The following USP45 variants were observed in gnomAD, a reference collection of about 807,000 sequenced individuals.
The protein encoded by USP45 is ubiquitin carboxyl-terminal hydrolase 45.
A neutral mutation model predicts 95.8 loss-of-function variants in USP45; 89 were observed. The ratio of observed to expected loss-of-function variants is 0.93; its 90% CI spans 0.78 to 1.11. The LOEUF (loss-of-function observed/expected upper bound fraction) is 1.11, where lower values mean the gene tolerates loss of function less well. Ranked by LOEUF, USP45 falls within the 50% of genes least tolerant of loss-of-function variation. The pLI, the probability that USP45 is intolerant of heterozygous loss-of-function variation, is 0.00. For missense variants in USP45, 898 were observed against 942.5 expected (o/e 0.95, Z 0.62); for synonymous variants, 281 against 316.2 (o/e 0.89, Z 1.18).
intron 13 of USP45, among the ~76,000 whole-genome samples, chr6:99,450,990 A>C (rs1284123551): frequency 1.3e-5 from 2 of 152,162 alleles, no homozygotes; most frequent in Non-Finnish European, 2.9e-5. Context: ...AACAGCCCTT[A>C]ATGCTAAAAA....
chr6:99,452,864 C>G (rs1484370310), intron 13 of USP45, among the ~76,000 whole-genome samples: 1 of 152,132 alleles, frequency 6.6e-6, no homozygotes, highest in Admixed American at 6.6e-5. Flanking sequence ...AGGATGAGTT[C>G]ATGTCCTTTG....
chr6:99,468,513 A>T (rs996855110), intron 10 of USP45, 24 bp downstream of exon 10: 1 of 1,456,742 alleles, frequency 6.9e-7, no homozygotes, highest in Non-Finnish European at 9.4e-7. Flanking sequence ...TAAAGAAAAA[A>T]GTTTTAACAA....
chr6:99,511,845 G>GTGTATA (rs1373324266), intron 1 of USP45, among the ~76,000 whole-genome samples: 22 of 22,790 alleles, frequency 9.7e-4, no homozygotes, highest in Non-Finnish European at 1.4e-3. Flanking sequence ...GTGAGTGTGT[G>GTGTATA]TATATATATA....
chr6:99,437,364 G>A lies in USP45; in HGVS notation c.2196C>T (p.Leu732=). The A allele has an allele frequency of 6.2e-7, 1 of 1,607,930 alleles. No homozygotes were observed. The highest frequency in any genetic ancestry group is 8.5e-7 in the Non-Finnish European group (1 of 1,178,462). Residue 732 remains leucine, a synonymous_variant, in exon 17 of 18, where the codon CTC becomes CTT. Coordinates refer to ENST00000500704, the MANE Select transcript of USP45 (RefSeq NM_001346022.3). The stretch of plus-strand genomic sequence containing the variant: ...AGCCACTATGTTCCACTATGCCATA[G>A]AGACCGTAGAGAACTTTATCTCCCA... The part of the protein sequence containing the change: ...ASVGDKVLYG[L]YGIVEHSGSM...
At chr6:99,437,155 A>G in intron 17 of USP45, 91 bp downstream of exon 17, 1 of 1,279,564 alleles carries the variant, frequency 7.8e-7, no homozygotes, top group Non-Finnish European at 1.1e-6. Context: ...AATCCACTAG[A>G]GGCATCTATG....
At chr6:99,453,504 A>G (rs933384706) in intron 13 of USP45, among the ~76,000 whole-genome samples, 10 of 152,216 alleles carry the variant, frequency 6.6e-5, no homozygotes, top group African/African-American at 2.2e-4. Flanking sequence ...AATACTGATG[A>G]AAGAAACTGA....
At chr6:99,493,556 G>T (rs1339944146) in intron 5 of USP45, among the ~76,000 whole-genome samples, 1 of 152,158 alleles carries the variant, frequency 6.6e-6, no homozygotes, top group Non-Finnish European at 1.5e-5. Context: ...GGAGTGCAAT[G>T]GCACAATCTC....
intron 13 of USP45, among the ~76,000 whole-genome samples, chr6:99,463,253 T>C (rs1357351693): frequency 3.3e-5 from 5 of 152,098 alleles, no homozygotes; most frequent in Admixed American, 6.6e-5. Context: ...AGTAAAATAA[T>C]AGATCTAGAC....
chr6:99,489,257 T>C (rs1562408936), intron 5 of USP45, among the ~76,000 whole-genome samples: 2 of 152,120 alleles, frequency 1.3e-5, no homozygotes, highest in Non-Finnish European at 2.9e-5. Flanking sequence ...AAATGTGTGA[T>C]TGGGAATAAG....
intron 5 of USP45, chr6:99,501,826 G>A (rs1313690338): frequency 9.8e-7 from 1 of 1,016,932 alleles, no homozygotes; most frequent in African/African-American, 1.7e-5. Flanking sequence ...GGATCTGGCT[G>A]GCTTTTCTCC....
intron 8 of USP45, among the ~76,000 whole-genome samples, chr6:99,479,433 C>T (rs1319340283): frequency 6.6e-6 from 1 of 151,696 alleles, no homozygotes; most frequent in East Asian, 1.9e-4. Context: ...AACTCCTGGC[C>T]TCAGGCAGTT....
intron 13 of USP45, 69 bp from the exon 14 acceptor site, chr6:99,446,532 T>A: frequency 7.4e-7 from 1 of 1,350,566 alleles, no homozygotes; most frequent in African/African-American, 1.5e-5. Flanking sequence ...CCAATAATTC[T>A]TAAACATATC....
chr6:99,441,966 T>C lies in USP45; in HGVS notation c.2073+1599A>G, dbSNP rs549798505. Among the ~76,000 whole-genome samples the C allele has an allele frequency of 1.6e-4, 25 of 152,252 alleles. 1 individual carries two copies. The South Asian group carries it at 5.2e-3, about 32-fold the overall frequency. ...CTGATATACAGCCCTAAAGCTACCA[T>C]AGAGAAGGCGTTCAGGGATGTCAAT... is the stretch of plus-strand genomic sequence containing the variant. On this transcript the variant is annotated intron_variant, in intron 15 of 17. Transcript: ENST00000500704.
At chr6:99,487,633 C>CAAAAAAAA (rs11335830) in intron 7 of USP45, among the ~76,000 whole-genome samples, 1,626 of 105,834 alleles carry the variant, frequency 0.015, no homozygotes, top group East Asian at 0.02. Context: ...ACTAAAAATA[C>CAAAAAAAA]AAAAAAAAAA....
At position 99,434,987 on chromosome 6, in the gene USP45, C is replaced by T. The variant is rs1436900547; in HGVS notation, c.*729G>A. 1 of 152,454 alleles carries T rather than the reference C, an allele frequency of 6.6e-6. No individual in the cohort carries two copies. The highest frequency in any genetic ancestry group is 1.5e-5 in the Non-Finnish European group (1 of 68,000). The allele number at this position is 152,454 out of a possible 1,614,324, so 9.4% of individuals were successfully genotyped here. ...CAAAACCTCAAGGTAATAAGCTAAC[C>T]AGCAGATTATTTGTAAACCCACACT... On this transcript the variant is annotated 3_prime_UTR_variant, in exon 18 of 18. Transcript: ENST00000500704.
chr6:99,492,707 G>C (rs1241658790), intron 5 of USP45, among the ~76,000 whole-genome samples: 1 of 152,038 alleles, frequency 6.6e-6, no homozygotes, highest in Non-Finnish European at 1.5e-5. Context: ...GGCCAGGCTG[G>C]TCTCAAACTC....
At chr6:99,452,928 C>T (rs1460019616) in intron 13 of USP45, among the ~76,000 whole-genome samples, 4 of 151,762 alleles carry the variant, frequency 2.6e-5, no homozygotes, top group Admixed American at 1.3e-4. Flanking sequence ...ATCACAAGAA[C>T]AAAAAACCAA....
chr6:99,437,667 CTT>C lies in USP45; in HGVS notation c.2161-270_2161-269del, dbSNP rs1323850398. On this transcript the variant is annotated intron_variant, in intron 16 of 17. Coordinates refer to ENST00000500704, the MANE Select transcript of USP45 (RefSeq NM_001346022.3). ...GGGATGTTTCTTTTTTTCTCTCTCT[CTT>C]TTTCTTGAGATGGAGTCTCGCTCTG... Among the ~76,000 whole-genome samples the C allele has an allele frequency of 2.0e-5, 3 of 151,854 alleles. No individual in the cohort carries two copies. The East Asian group carries it at 5.8e-4, about 30-fold the overall frequency.
chr6:99,483,140 C>T lies in USP45; in HGVS notation c.715-257G>A, dbSNP rs189293966. Among the ~76,000 whole-genome samples, 3 of 152,258 alleles carry T rather than the reference C, an allele frequency of 2.0e-5. No individual in the cohort carries two copies. In the East Asian group the frequency reaches 5.8e-4, roughly 29 times the overall value. On this transcript the variant is annotated intron_variant, in intron 7 of 17. Transcript: ENST00000500704. Reference sequence around the variant, plus strand: ...AAATGATATCACCAATCTTTAGTTGCTTGTCACTGTCCTTTAATGCACTCT... The same window carrying T: ...AAATGATATCACCAATCTTTAGTTGTTTGTCACTGTCCTTTAATGCACTCT...
Sources: gnomAD v4.1 joint callset for allele counts (sites outside exome capture counted in the v4.1 genomes callset) on GRCh38, gnomAD v4.1.1 for gene constraint, MANE v1.5 for transcripts, NCBI Gene and HGNC (gene_info 2026-07-23, HGNC 2026-07-21) for gene names.